Variants in CACHD1 observed in about 807,000 individuals in gnomAD.
The protein encoded by CACHD1 is cache domain containing 1.
Under a neutral mutation model 138.7 loss-of-function variants are expected in CACHD1, and 71 were observed. The observed-to-expected ratio is 0.51, with a 90% CI of 0.42 to 0.62. The LOEUF (loss-of-function observed/expected upper bound fraction) is 0.62, where lower values mean the gene tolerates loss of function less well. CACHD1 is among the 20% of genes least tolerant of loss of function. The probability of loss-of-function intolerance (pLI) is 0.00; values close to 1 mark genes in which losing one functional copy is unlikely to be tolerated. For missense variants in CACHD1, 1,389 were observed against 1,625.3 expected (o/e 0.85, Z 2.50); for synonymous variants, 578 against 591.5 (o/e 0.98, Z 0.33).
At chr1:64,603,836 A>T (rs2100581203) in intron 4 of CACHD1, among the ~76,000 whole-genome samples, 1 of 152,026 alleles carries the variant, frequency 6.6e-6, no homozygotes, top group Middle Eastern at 3.4e-3. Flanking sequence ...TGTCTTATGT[A>T]CTCTTGTTGA....
At chr1:64,679,890 C>T (rs891465581) in intron 24 of CACHD1, 134 bp downstream of exon 24, 3 of 998,392 alleles carry the variant, frequency 3.0e-6, no homozygotes, top group Non-Finnish European at 2.9e-6. Flanking sequence ...TGGAAGTTCC[C>T]AAAGCCTGCT....
chr1:64,652,924 G>A (rs976852333), intron 10 of CACHD1, among the ~76,000 whole-genome samples: 4 of 152,048 alleles, frequency 2.6e-5, no homozygotes, highest in Non-Finnish European at 4.4e-5. Flanking sequence ...AATGTCAATC[G>A]TTCTCTCATA....
At chr1:64,473,120 C>A (rs190346965) in intron 1 of CACHD1, among the ~76,000 whole-genome samples, 9 of 152,148 alleles carry the variant, frequency 5.9e-5, no homozygotes, top group Admixed American at 3.9e-4. Context: ...TTTCTAACAC[C>A]TTTGCAACCT....
chr1:64,536,914 G>T (rs960746485), intron 1 of CACHD1, among the ~76,000 whole-genome samples: 1 of 152,174 alleles, frequency 6.6e-6, no homozygotes, highest in Admixed American at 6.5e-5. Context: ...TTGGAGGCAT[G>T]TTGCTGAAAT....
chr1:64,651,128 G>A (rs916189123), intron 9 of CACHD1, among the ~76,000 whole-genome samples: 2 of 151,840 alleles, frequency 1.3e-5, no homozygotes, highest in South Asian at 2.1e-4. Context: ...ACCTAAGTAC[G>A]GTCTTTATAT....
intron 4 of CACHD1, among the ~76,000 whole-genome samples, chr1:64,617,329 C>T (rs947699531): frequency 6.6e-6 from 1 of 151,830 alleles, no homozygotes; most frequent in Non-Finnish European, 1.5e-5. Flanking sequence ...TGAAGATCAC[C>T]TTGACCTTTG....
chr1:64,575,522 A>G (rs994483003), intron 2 of CACHD1, among the ~76,000 whole-genome samples: 11 of 152,242 alleles, frequency 7.2e-5, no homozygotes, highest in African/African-American at 2.7e-4. Context: ...TGCAAGGTTT[A>G]TTCTTTAGTG....
Position 64,530,256 on chromosome 1 carries a change from C to T in CACHD1, c.199-20338C>T, listed in dbSNP as rs114452114. Among the ~76,000 whole-genome samples the T allele has an allele frequency of 8.1e-3, 1,228 of 152,294 alleles. 18 individuals carry two copies. Among genetic ancestry groups the T allele is most frequent in the African/African-American group, 0.028 (1,164 of 41,556 alleles). On this transcript the variant is annotated intron_variant, in intron 1 of 26. Coordinates refer to ENST00000651257, the MANE Select transcript of CACHD1 (RefSeq NM_020925.4). ...GCCATTTAACTTTTGCAAATCCCAA[C>T]CTCAACAATAGAGGTTGGTTCTATC... is the stretch of plus-strand genomic sequence containing the variant.
intron 3 of CACHD1, among the ~76,000 whole-genome samples, chr1:64,587,295 G>T (rs959594765): frequency 2.6e-5 from 4 of 152,090 alleles, no homozygotes; most frequent in Admixed American, 2.0e-4. Context: ...CATTTTTAAT[G>T]ATTATAATCC....
chr1:64,654,749 C>T lies in CACHD1; in HGVS notation c.1728C>T (p.Asn576=). The change falls in exon 12 of 27, where the codon AAC becomes AAT. Residue 576 remains asparagine, a synonymous_variant. Coordinates refer to ENST00000651257, the MANE Select transcript of CACHD1 (RefSeq NM_020925.4). ...PVNSSLSWHI[N]KLRETGKEAY... ...ACTCATCCCTGTCTTGGCACATAAA[C>T]AAGCTGAGAGAAACTGGAAAGGAAG... is the stretch of plus-strand genomic sequence containing the variant. 1 of 1,613,966 alleles carries T rather than the reference C, an allele frequency of 6.2e-7. No homozygotes were observed. Among genetic ancestry groups the T allele is most frequent in the Non-Finnish European group, 8.5e-7 (1 of 1,179,860 alleles).
chr1:64,609,091 G>A (rs540758648), intron 4 of CACHD1, among the ~76,000 whole-genome samples: 1 of 152,322 alleles, frequency 6.6e-6, no homozygotes, highest in Non-Finnish European at 1.5e-5. Flanking sequence ...AGGATGTACA[G>A]GTGGGCCTTA....
At chr1:64,497,813 G>A (rs1237419611) in intron 1 of CACHD1, among the ~76,000 whole-genome samples, 3 of 152,072 alleles carry the variant, frequency 2.0e-5, no homozygotes, top group African/African-American at 4.8e-5. Flanking sequence ...TCCAACAGTG[G>A]GGCAATATAC....
chr1:64,575,617 T>C (rs1407701958), intron 2 of CACHD1, among the ~76,000 whole-genome samples: 1 of 152,144 alleles, frequency 6.6e-6, no homozygotes, highest in Non-Finnish European at 1.5e-5. Flanking sequence ...ATGTTAAACT[T>C]TTCTAGGTTC....
chr1:64,691,456 A>G lies in CACHD1; in HGVS notation c.3720A>G (p.Leu1240=), dbSNP rs754816136. ...DLDTPPQTAA[L]LSHKFHHYRS... ...ATACCCCCCCTCAGACTGCTGCCCTACTAAGTCACAAGTTCCACCACTACC... is the reference window on the plus strand; with the variant it reads ...ATACCCCCCCTCAGACTGCTGCCCTGCTAAGTCACAAGTTCCACCACTACC... The change falls in exon 27 of 27, where the codon CTA becomes CTG. Residue 1240 remains leucine (L), a synonymous_variant. Transcript: ENST00000651257. 5.0e-6 allele frequency: 8 copies of G among 1,614,094 alleles called. No homozygotes were observed. The highest frequency in any genetic ancestry group is 6.8e-6 in the Non-Finnish European group (8 of 1,180,002).
chr1:64,586,396 C>T, intron 3 of CACHD1, among the ~76,000 whole-genome samples: 1 of 152,138 alleles, frequency 6.6e-6, no homozygotes, highest in East Asian at 1.9e-4. Context: ...ATATTCCAAT[C>T]CTTCCAAAAA....
chr1:64,557,307 CA>C (rs1342316710), intron 2 of CACHD1, among the ~76,000 whole-genome samples: 1 of 152,106 alleles, frequency 6.6e-6, no homozygotes, highest in Admixed American at 6.5e-5. Context: ...TTAAATGGAT[CA>C]GAGCCACCTT....
chr1:64,572,208 C>T (rs960851392), intron 2 of CACHD1, among the ~76,000 whole-genome samples: 2 of 152,126 alleles, frequency 1.3e-5, no homozygotes, highest in Non-Finnish European at 2.9e-5. Flanking sequence ...GGCTCCTGCT[C>T]TCTCCTCTTC....
chr1:64,629,265 A>G (rs1009832707), intron 4 of CACHD1, 90 bp from the exon 5 acceptor site: 2 of 1,396,826 alleles, frequency 1.4e-6, no homozygotes, highest in African/African-American at 2.9e-5. Flanking sequence ...TCATACTAGA[A>G]GCAGTTTATG....
intron 4 of CACHD1, among the ~76,000 whole-genome samples, chr1:64,607,249 A>C (rs1647370163): frequency 6.6e-6 from 1 of 152,182 alleles, no homozygotes; most frequent in South Asian, 2.1e-4. Flanking sequence ...GCAGGTAGAA[A>C]GAGGACCAAG....
Sources: gnomAD v4.1 joint callset for allele counts (sites outside exome capture counted in the v4.1 genomes callset) on GRCh38, gnomAD v4.1.1 for gene constraint, MANE v1.5 for transcripts, NCBI Gene and HGNC (gene_info 2026-07-23, HGNC 2026-07-21) for gene names.